BCKDHB: variants seen among roughly 807,000 people sequenced by gnomAD.
BCKDHB encodes the protein 2-oxoisovalerate dehydrogenase subunit beta, mitochondrial.
A neutral mutation model predicts 48.5 loss-of-function variants in BCKDHB; 41 were observed. The observed-to-expected ratio is 0.85, with a 90% CI of 0.66 to 1.10. The LOEUF is 1.10. BCKDHB is among the 50% of genes least tolerant of loss of function. The pLI is 0.00. For synonymous variants in BCKDHB, 201 were observed against 174.8 expected (o/e 1.15, Z -1.18); for missense variants, 496 against 494.2 (o/e 1.00, Z -0.03).
Position 80,329,756 on chromosome 6 carries a change from G to A in BCKDHB, c.1039-13908G>A, listed in dbSNP as rs143815075. Among the ~76,000 whole-genome samples, 515 of 152,150 alleles carry A rather than the reference G, an allele frequency of 3.4e-3. 4 individuals are homozygous for A. Among genetic ancestry groups the A allele is most frequent in the African/African-American group, 0.012 (484 of 41,510 alleles). On this transcript the variant is annotated intron_variant, in intron 9 of 9. Coordinates refer to ENST00000320393, the MANE Select transcript of BCKDHB (RefSeq NM_183050.4). ...TTCTCCTGGGTTCTTTGCAGATCTGGTTTCTCCTTCTCAAATGACACCACC... is the reference window on the plus strand; with the variant it reads ...TTCTCCTGGGTTCTTTGCAGATCTGATTTCTCCTTCTCAAATGACACCACC...
At chr6:80,245,876 G>C (rs1439601370) in intron 8 of BCKDHB, among the ~76,000 whole-genome samples, 1 of 152,232 alleles carries the variant, frequency 6.6e-6, no homozygotes, top group East Asian at 1.9e-4. Flanking sequence ...AGGAATGCGA[G>C]ACCAGCCTGG....
intron 5 of BCKDHB, among the ~76,000 whole-genome samples, chr6:80,170,805 A>G (rs1219495960): frequency 6.6e-6 from 1 of 152,174 alleles, no homozygotes; most frequent in Non-Finnish European, 1.5e-5. Flanking sequence ...TCAGTGGACT[A>G]ATTTTTCACT....
At chr6:80,388,792 C>A in the BCKDHB span, among the ~76,000 whole-genome samples, 2 of 152,190 alleles carry the variant, frequency 1.3e-5, no homozygotes, top group African/African-American at 4.8e-5. Context: ...TATGCAGGCA[C>A]CAGCTGAAAG....
At chr6:80,382,581 A>C in the BCKDHB span, among the ~76,000 whole-genome samples, 1 of 152,084 alleles carries the variant, frequency 6.6e-6, no homozygotes, top group Non-Finnish European at 1.5e-5. Flanking sequence ...CCTAACCTGC[A>C]CCTCCTATAA....
chr6:80,163,646 G>C (rs1772431603), intron 3 of BCKDHB, among the ~76,000 whole-genome samples: 1 of 152,118 alleles, frequency 6.6e-6, no homozygotes, highest in African/African-American at 2.4e-5. Flanking sequence ...ATTAAATGCT[G>C]TCTTTATGCT....
intron 8 of BCKDHB, among the ~76,000 whole-genome samples, chr6:80,268,993 T>C (rs575418151): frequency 4.6e-5 from 7 of 152,248 alleles, no homozygotes; most frequent in African/African-American, 1.7e-4. Context: ...TGGATTGTGC[T>C]AAGAATGCAA....
intron 9 of BCKDHB, among the ~76,000 whole-genome samples, chr6:80,280,395 C>T (rs1247827672): frequency 6.6e-6 from 1 of 152,132 alleles, no homozygotes; most frequent in African/African-American, 2.4e-5. Flanking sequence ...GTAGAGGATA[C>T]ACTGGGGAGG....
At chr6:80,275,344 G>A (rs1022830120) in intron 9 of BCKDHB, among the ~76,000 whole-genome samples, 1 of 152,076 alleles carries the variant, frequency 6.6e-6, no homozygotes, top group African/African-American at 2.4e-5. Context: ...CCACGAGGAA[G>A]ATAATAGAAG....
chr6:80,190,138 A>C (rs1300881109), intron 6 of BCKDHB, among the ~76,000 whole-genome samples: 2 of 152,174 alleles, frequency 1.3e-5, no homozygotes, highest in Non-Finnish European at 2.9e-5. Context: ...ATGGAATGTA[A>C]AGCTTGATTC....
At chr6:80,137,068 A>C (rs1770926463) in intron 3 of BCKDHB, among the ~76,000 whole-genome samples, 1 of 152,178 alleles carries the variant, frequency 6.6e-6, no homozygotes, top group Admixed American at 6.6e-5. Flanking sequence ...AAAAAATTAG[A>C]ATTTCCATAT....
the BCKDHB span, among the ~76,000 whole-genome samples, chr6:80,425,067 A>G: frequency 1.3e-5 from 2 of 152,204 alleles, no homozygotes; most frequent in African/African-American, 4.8e-5. Context: ...CCCAGACTGA[A>G]GAAGTGGAAC....
chr6:80,114,403 A>G (rs1317313976), intron 1 of BCKDHB, among the ~76,000 whole-genome samples: 2 of 151,846 alleles, frequency 1.3e-5, no homozygotes, highest in African/African-American at 4.8e-5. Flanking sequence ...ATGCACCACC[A>G]TGCCTGGCTA....
In BCKDHB at chr6:80,273,213, A is replaced by G. The variant is rs774981415; in HGVS notation, c.1030A>G (p.Thr344Ala). The G allele has an allele frequency of 1.2e-6, 2 of 1,613,330 alleles. No individual in the cohort carries two copies. Among genetic ancestry groups the G allele is most frequent in the East Asian group, 2.2e-5 (1 of 44,836 alleles). ...TGGFASEISS[T>A]VQEECFLNLE... ...CGGCTTTGCATCGGAAATCAGCTCT[A>G]CAGTTCAGGTAGAGTAATTTTTGGA... The change falls in exon 9 of 10, where the codon ACA (threonine) becomes GCA (alanine). Residue 344 changes from threonine (T) to alanine (A), a missense_variant. Coordinates refer to ENST00000320393, the MANE Select transcript of BCKDHB (RefSeq NM_183050.4).
chr6:80,179,197 A>G (rs1773300680), intron 6 of BCKDHB, among the ~76,000 whole-genome samples: 1 of 151,614 alleles, frequency 6.6e-6, no homozygotes, highest in African/African-American at 2.4e-5. Context: ...TAATTTTCGT[A>G]TTTCTCAATT....
At chr6:80,339,958 C>T (rs918200505) in intron 9 of BCKDHB, among the ~76,000 whole-genome samples, 5 of 152,076 alleles carry the variant, frequency 3.3e-5, no homozygotes, top group South Asian at 4.1e-4. Flanking sequence ...GTGTATGTAG[C>T]GATTTGATCT....
chr6:80,300,375 T>C (rs1767519132), intron 9 of BCKDHB, among the ~76,000 whole-genome samples: 1 of 152,004 alleles, frequency 6.6e-6, no homozygotes, highest in Non-Finnish European at 1.5e-5. Flanking sequence ...CTTATATCAG[T>C]AAAACAGACT....
chr6:80,318,173 A>C (rs1307863506), intron 9 of BCKDHB, among the ~76,000 whole-genome samples: 1 of 152,182 alleles, frequency 6.6e-6, no homozygotes, highest in Non-Finnish European at 1.5e-5. Context: ...CTAAAACCAG[A>C]TCTGAAATTT....
the BCKDHB span, among the ~76,000 whole-genome samples, chr6:80,364,043 A>G: frequency 2.0e-5 from 3 of 152,236 alleles, no homozygotes; most frequent in African/African-American, 7.2e-5. Flanking sequence ...AAATACTTCC[A>G]ACAAACACAC....
At chr6:80,356,946 G>GC in the BCKDHB span, 2 of 60,124 alleles carry the variant, frequency 3.3e-5, no homozygotes, top group Admixed American at 1.8e-4. Context: ...CCCCGCCCCC[G>GC]CCCCCGCCCC....
Sources: allele counts gnomAD v4.1 joint callset (sites outside exome capture counted in the v4.1 genomes callset), GRCh38; gene constraint gnomAD v4.1.1; transcripts MANE v1.5; gene names NCBI Gene and HGNC (gene_info 2026-07-23, HGNC 2026-07-21).